PPM1B: variants seen among roughly 807,000 people sequenced by gnomAD.
PPM1B encodes the protein protein phosphatase 1B.
PPM1B carries 22 observed loss-of-function variants against 43.0 expected under a neutral mutation model. That is an observed-to-expected ratio of 0.51 (90% CI 0.37 to 0.73). The LOEUF is 0.73. PPM1B is among the 30% of genes least tolerant of loss of function. PPM1B has a pLI of 0.00. For missense variants in PPM1B, 632 were observed against 584.2 expected (o/e 1.08, Z -0.84); for synonymous variants, 217 against 197.9 (o/e 1.10, Z -0.81).
rs1000105339 is a variant in PPM1B, at chr2:44,194,720, C to T, written c.-14-6466C>T. Among the ~76,000 whole-genome samples, 4 of 149,746 alleles carry T rather than the reference C, an allele frequency of 2.7e-5. No individual in the cohort carries two copies. The South Asian group carries it at 8.4e-4, about 32-fold the overall frequency. The stretch of plus-strand genomic sequence containing the variant: ...CCTGGGCGACAGAGGAAGACTCCAT[C>T]TCAAAAAAAAGAAGAAGGCTGAGCA... On this transcript the variant is annotated intron_variant, in intron 1 of 5. Transcript: ENST00000282412.
chr2:44,204,305 C>T (rs766232712), intron 2 of PPM1B, among the ~76,000 whole-genome samples: 1 of 152,090 alleles, frequency 6.6e-6, no homozygotes, highest in Non-Finnish European at 1.5e-5. Flanking sequence ...TTTGAATTTA[C>T]TCAGAAAAAT....
intron 1 of PPM1B, among the ~76,000 whole-genome samples, chr2:44,187,967 G>C (rs1274663078): frequency 6.6e-6 from 1 of 152,098 alleles, no homozygotes; most frequent in African/African-American, 2.4e-5. Flanking sequence ...AGCCAGGATG[G>C]TCTCAATCTC....
chr2:44,210,772 A>T (rs567098029), intron 3 of PPM1B, among the ~76,000 whole-genome samples: 10 of 152,120 alleles, frequency 6.6e-5, no homozygotes, highest in Non-Finnish European at 1.5e-4. Flanking sequence ...GAAAGTTGCA[A>T]ATATGATATA....
intron 1 of PPM1B, among the ~76,000 whole-genome samples, chr2:44,177,707 C>T (rs923772194): frequency 3.3e-5 from 5 of 151,804 alleles, no homozygotes; most frequent in South Asian, 2.1e-4. Context: ...CATGAGCCAC[C>T]GCGCCCGGCC....
At chr2:44,181,240 T>C (rs1460521316) in intron 1 of PPM1B, among the ~76,000 whole-genome samples, 2 of 152,168 alleles carry the variant, frequency 1.3e-5, no homozygotes, top group African/African-American at 4.8e-5. Context: ...TGAGGCACCA[T>C]ACCCAGCCTA....
At position 44,230,899 on chromosome 2, in the gene PPM1B, CTA is replaced by C. The variant is rs1670444037; in HGVS notation, c.*183_*184del. ...CCTTTATGAGATAGTGTAAAATTGA[CTA>C]TTTATAGTACTATGGATTTAATGAA... On this transcript the variant is annotated 3_prime_UTR_variant, in exon 6 of 6. Transcript: ENST00000282412. 1 of 1,334,156 alleles carries C rather than the reference CTA, an allele frequency of 7.5e-7. No individual in the cohort carries two copies. The highest frequency in any genetic ancestry group is 1.5e-5 in the African/African-American group (1 of 67,256). 82.6% of individuals were successfully genotyped at this position (1,334,156 alleles called of 1,614,324 possible).
chr2:44,241,396 A>G (rs1186435552), intron 5 of PPM1B, among the ~76,000 whole-genome samples: 1 of 144,434 alleles, frequency 6.9e-6, no homozygotes, highest in African/African-American at 2.5e-5. Context: ...TGGGTTTTGT[A>G]CTGTGTCGGG....
At chr2:44,240,237 C>G (rs1221700400) in intron 5 of PPM1B, among the ~76,000 whole-genome samples, 1 of 145,928 alleles carries the variant, frequency 6.9e-6, no homozygotes, top group Non-Finnish European at 1.5e-5. Flanking sequence ...GAGCTTGCAT[C>G]CATTTGGGGA....
chr2:44,229,665 A>G (rs962403704), intron 5 of PPM1B, among the ~76,000 whole-genome samples: 1 of 152,194 alleles, frequency 6.6e-6, no homozygotes, highest in East Asian at 1.9e-4. Flanking sequence ...ATAATGCATC[A>G]TATCAAGAGG....
chr2:44,211,742 CTTTTTTT>C (rs55716263), intron 3 of PPM1B, among the ~76,000 whole-genome samples: 2 of 78,614 alleles, frequency 2.5e-5, no homozygotes, highest in African/African-American at 1.0e-4. Flanking sequence ...CTGATTCTGT[CTTTTTTT>C]TTTTTTTTTT....
rs116369843 is a variant in PPM1B, at chr2:44,217,568, C to G, written c.965-399C>G. On this transcript the variant is annotated intron_variant, in intron 3 of 5. Transcript: ENST00000282412. ...ATATTGTTTTTACTTAATATTAGAT[C>G]AGAAGTATTTTTCCATATAGCTGTT... Among the ~76,000 whole-genome samples the G allele has an allele frequency of 3.8e-3, 585 of 152,100 alleles. 1 individual carries two copies. Among genetic ancestry groups the G allele is most frequent in the African/African-American group, 0.014 (561 of 41,490 alleles).
chr2:44,207,475 C>G (rs1204931946), intron 2 of PPM1B, among the ~76,000 whole-genome samples: 2 of 152,076 alleles, frequency 1.3e-5, no homozygotes, highest in East Asian at 3.8e-4. Context: ...TGCTCCTGCT[C>G]TTAGAAACTC....
Position 44,190,304 on chromosome 2 carries a change from G to A in PPM1B, c.-14-10882G>A, listed in dbSNP as rs141317795. Among the ~76,000 whole-genome samples, 730 of 151,888 alleles carry A rather than the reference G, an allele frequency of 4.8e-3. 7 individuals are homozygous for A. Among genetic ancestry groups the A allele is most frequent in the African/African-American group, 0.017 (686 of 41,418 alleles). ...CGAGTAGCTGGGACTATAGGTGCCCGCCACCACATCCAGCTAGTTTTTTTG... is the reference window on the plus strand; with the variant it reads ...CGAGTAGCTGGGACTATAGGTGCCCACCACCACATCCAGCTAGTTTTTTTG... On this transcript the variant is annotated intron_variant, in intron 1 of 5. Transcript: ENST00000282412.
In PPM1B at chr2:44,209,336, A is replaced by T; in HGVS notation, c.964+9A>T. ...GGAATCACGGGTTGAAGGTAAGACA[A>T]ATGCTTTTTAAAAATATAGACAGGC... On this transcript the variant is annotated intron_variant, in intron 3 of 5. Coordinates refer to ENST00000282412, the MANE Select transcript of PPM1B (RefSeq NM_002706.6). 1 of 1,613,682 alleles carries T rather than the reference A, an allele frequency of 6.2e-7. No individual in the cohort carries two copies. Among genetic ancestry groups the T allele is most frequent in the Non-Finnish European group, 8.5e-7 (1 of 1,179,820 alleles).
At chr2:44,244,519 G>T (rs1228101041), downstream of PPM1B, 3 of 546,894 alleles carry the variant, frequency 5.5e-6, no homozygotes, top group East Asian at 1.1e-4. Context: ...CAGCACTTTT[G>T]GTTTGATTCC....
intron 1 of PPM1B, among the ~76,000 whole-genome samples, chr2:44,184,056 C>G (rs940095823): frequency 3.9e-5 from 6 of 152,226 alleles, no homozygotes; most frequent in South Asian, 2.1e-4. Context: ...AGTTTTACCA[C>G]TTGATAGTTG....
downstream of PPM1B, chr2:44,244,456 C>A (rs1169570380): frequency 4.4e-5 from 44 of 1,005,888 alleles, no homozygotes; most frequent in Non-Finnish European, 5.4e-5. Context: ...TCACTGTGCC[C>A]TTCAAAATCA....
intron 2 of PPM1B, among the ~76,000 whole-genome samples, chr2:44,202,698 T>G (rs553898269): frequency 1.3e-5 from 2 of 152,308 alleles, no homozygotes; most frequent in African/African-American, 4.8e-5. Context: ...ACCAAAGGCT[T>G]CTATAAAACA....
rs1408040685 is a variant in PPM1B at position 44,169,000 on chromosome 2, TC to T, written c.-288del. On this transcript the variant is annotated 5_prime_UTR_variant, in exon 1 of 6. Transcript: ENST00000282412. ...GGCTGGAGTCTCTGATTCTCAGGGT[TC>T]GGTGGTTGGAAGATGCTCCAGAGAG... The T allele has an allele frequency of 6.4e-6, 1 of 156,282 alleles. No homozygotes were observed. The highest frequency in any genetic ancestry group is 2.4e-5 in the African/African-American group (1 of 41,428). The allele number at this position is 156,282 out of a possible 1,614,324, so 9.7% of individuals were successfully genotyped here. A position where few individuals can be genotyped will look rare whatever the true frequency, so the allele number is the denominator to read the frequency against.
Sources: gnomAD v4.1 joint callset for allele counts (sites outside exome capture counted in the v4.1 genomes callset) on GRCh38, gnomAD v4.1.1 for gene constraint, MANE v1.5 for transcripts, NCBI Gene and HGNC (gene_info 2026-07-23, HGNC 2026-07-21) for gene names.